Variants in AP1B1 observed in about 807,000 individuals in gnomAD.
AP1B1 encodes the protein adaptor related protein complex 1 subunit beta 1.
In AP1B1, 36 loss-of-function variants were observed where a neutral mutation model predicts 104.3. The ratio of observed to expected loss-of-function variants is 0.35; its 90% CI spans 0.26 to 0.46. The LOEUF is 0.46. Ranked by LOEUF, AP1B1 falls within the 20% of genes least tolerant of loss-of-function variation. The pLI is 1.00. For missense variants in AP1B1, 901 were observed against 1,247.9 expected (o/e 0.72, Z 4.19); for synonymous variants, 504 against 517.5 (o/e 0.97, Z 0.35).
intron 1 of AP1B1, among the ~76,000 whole-genome samples, chr22:29,386,878 C>T (rs1020560764): frequency 6.6e-6 from 1 of 152,166 alleles, no homozygotes; most frequent in Non-Finnish European, 1.5e-5. Flanking sequence ...GCCACCAAAC[C>T]GTCTCACCAC....
chr22:29,377,988 T>C (rs969523789), intron 1 of AP1B1, among the ~76,000 whole-genome samples: 5 of 152,032 alleles, frequency 3.3e-5, no homozygotes, highest in South Asian at 2.1e-4. Context: ...AGGTCACACA[T>C]GTCCCACTCT....
chr22:29,383,981 C>T (rs1441124603), intron 1 of AP1B1, among the ~76,000 whole-genome samples: 1 of 152,130 alleles, frequency 6.6e-6, no homozygotes, highest in South Asian at 2.1e-4. Context: ...CCAAGTCCTT[C>T]CTCAGCTCCA....
chr22:29,383,506 C>T (rs370037626), intron 1 of AP1B1, among the ~76,000 whole-genome samples: 9 of 151,940 alleles, frequency 5.9e-5, no homozygotes, highest in African/African-American at 9.7e-5. Context: ...GTCAGGAGAT[C>T]GAGACCATCC....
intron 3 of AP1B1, 127 bp from the exon 4 acceptor site, chr22:29,360,086 G>A: frequency 9.7e-7 from 1 of 1,032,292 alleles, no homozygotes; most frequent in Non-Finnish European, 1.4e-6. Context: ...TGGACTTCCT[G>A]GTAAAAGGGA....
intron 17 of AP1B1, 164 bp from the exon 18 acceptor site, chr22:29,332,080 C>T: frequency 3.0e-6 from 2 of 659,236 alleles, no homozygotes; most frequent in Admixed American, 3.2e-5. Flanking sequence ...GGCTGTGGGT[C>T]CCCTCCCCCA....
intron 15 of AP1B1, 38 bp downstream of exon 15, chr22:29,339,716 A>G: frequency 1.2e-6 from 2 of 1,607,150 alleles, no homozygotes; most frequent in Non-Finnish European, 8.5e-7. Context: ...CGGGAGGAGC[A>G]AGGACGAAGG....
chr22:29,381,445 T>C (rs2062435088), intron 1 of AP1B1, among the ~76,000 whole-genome samples: 1 of 152,188 alleles, frequency 6.6e-6, no homozygotes, highest in African/African-American at 2.4e-5. Flanking sequence ...AATAAGTAGC[T>C]GAATGACCAG....
intron 11 of AP1B1, among the ~76,000 whole-genome samples, chr22:29,342,601 T>A (rs1307847861): frequency 6.6e-6 from 1 of 152,184 alleles, no homozygotes; most frequent in Non-Finnish European, 1.5e-5. Context: ...AGGAAGGAGC[T>A]GAATACTGGA....
intron 11 of AP1B1, among the ~76,000 whole-genome samples, chr22:29,347,138 A>C (rs2061805423): frequency 6.6e-6 from 1 of 152,186 alleles, no homozygotes; most frequent in South Asian, 2.1e-4. Context: ...TTGGGAGCCT[A>C]TCCATGGCAG....
intron 10 of AP1B1, 58 bp from the exon 11 acceptor site, chr22:29,349,441 G>A (rs1333827605): frequency 1.3e-6 from 2 of 1,589,716 alleles, no homozygotes; most frequent in African/African-American, 1.3e-5. Flanking sequence ...GAAACCCAGG[G>A]AAGCCAGACA....
Position 29,338,975 on chromosome 22 carries a change from A to G in AP1B1, c.2163+15T>C. Reference sequence around the variant, plus strand: ...TTCTCTCTGCTCCCGCCAAGACAGAAGACAAGTGACTTACTGCTTTGGGGG... The same window carrying G: ...TTCTCTCTGCTCCCGCCAAGACAGAGGACAAGTGACTTACTGCTTTGGGGG... On this transcript the variant is annotated intron_variant, in intron 16 of 22. Transcript: ENST00000357586. The G allele has an allele frequency of 6.2e-7, 1 of 1,613,948 alleles. No homozygotes were observed. Among genetic ancestry groups the G allele is most frequent in the Non-Finnish European group, 8.5e-7 (1 of 1,179,952 alleles).
chr22:29,366,288 T>C (rs776986353), intron 2 of AP1B1, among the ~76,000 whole-genome samples: 4 of 152,206 alleles, frequency 2.6e-5, no homozygotes, highest in Non-Finnish European at 5.9e-5. Context: ...ATTAGAATTG[T>C]TGGGAAATGT....
intron 3 of AP1B1, among the ~76,000 whole-genome samples, chr22:29,362,587 C>T (rs1323468410): frequency 1.3e-5 from 2 of 152,146 alleles, no homozygotes; most frequent in East Asian, 1.9e-4. Flanking sequence ...CCTCGAGATC[C>T]GCCCGCCTGG....
rs1407469308 is a variant in AP1B1 at position 29,356,302 on chromosome 22, G to C, written c.716+124C>G. ...CAGGCCTCCCTTTAGGTGTGTCTGA[G>C]GGTGGGTTATGGGGCAAAGCACTAG... is the stretch of plus-strand genomic sequence containing the variant. On this transcript the variant is annotated intron_variant, in intron 6 of 22. Coordinates refer to ENST00000357586, the MANE Select transcript of AP1B1 (RefSeq NM_001127.4). 3.9e-6 allele frequency: 4 copies of C among 1,019,730 alleles called. No homozygotes were observed. The East Asian group carries it at 1.1e-4, about 27-fold the overall frequency. The allele number at this position is 1,019,730 out of a possible 1,614,324, so 63.2% of individuals were successfully genotyped here.
intron 21 of AP1B1, chr22:29,330,164 C>T (rs1315000390): frequency 2.1e-6 from 3 of 1,435,716 alleles, no homozygotes; most frequent in Non-Finnish European, 2.7e-6. Context: ...TCTAGTCCAA[C>T]TCACTGTTCC....
rs1038481759 is a variant in AP1B1, at chr22:29,383,065, G to A, written c.-28+5359C>T. On this transcript the variant is annotated intron_variant, in intron 1 of 22. Coordinates refer to ENST00000357586, the MANE Select transcript of AP1B1 (RefSeq NM_001127.4). ...CATTAAAATGAAGTAAGCAACTAGAGGGCTTATCTGAAGCCTGAAGCCATA... is the reference window on the plus strand; with the variant it reads ...CATTAAAATGAAGTAAGCAACTAGAAGGCTTATCTGAAGCCTGAAGCCATA... 1.8e-4 allele frequency among the ~76,000 whole-genome samples: 28 copies of A among 151,972 alleles called. 1 individual carries two copies. Among genetic ancestry groups the A allele is most frequent in the Admixed American group, 1.7e-3 (26 of 15,268 alleles).
intron 1 of AP1B1, among the ~76,000 whole-genome samples, chr22:29,376,634 T>C (rs1274009431): frequency 6.8e-6 from 1 of 147,390 alleles, no homozygotes; most frequent in Non-Finnish European, 1.5e-5. Context: ...TCATGGACAG[T>C]CAAGAGGAAG....
chr22:29,364,224 G>A (rs1380143648), intron 2 of AP1B1, among the ~76,000 whole-genome samples: 2 of 152,294 alleles, frequency 1.3e-5, no homozygotes, highest in African/African-American at 2.4e-5. Flanking sequence ...GACACAAGTG[G>A]TTGGTTGCTC....
intron 2 of AP1B1, among the ~76,000 whole-genome samples, chr22:29,365,216 T>C (rs2062115542): frequency 6.6e-6 from 1 of 152,204 alleles, no homozygotes; most frequent in Non-Finnish European, 1.5e-5. Context: ...ATCCCTATGC[T>C]TGGGCCTACC....
Sources: allele counts gnomAD v4.1 joint callset (sites outside exome capture counted in the v4.1 genomes callset), GRCh38; gene constraint gnomAD v4.1.1; transcripts MANE v1.5; gene names NCBI Gene and HGNC (gene_info 2026-07-23, HGNC 2026-07-21).